The following ANP32B variants were observed in gnomAD, a reference collection of about 807,000 sequenced individuals.
ANP32B encodes acidic nuclear phosphoprotein 32 family member B.
In ANP32B, 6 loss-of-function variants were observed where a neutral mutation model predicts 32.2. That is an observed-to-expected ratio of 0.19 (90% confidence interval 0.10 to 0.37). ANP32B has a LOEUF of 0.37. Ranked by LOEUF, ANP32B falls within the 10% of genes least tolerant of loss-of-function variation. The pLI, the probability that ANP32B is intolerant of heterozygous loss-of-function variation, is 1.00. For missense variants in ANP32B, 204 were observed against 289.2 expected (o/e 0.71, Z 2.14); for synonymous variants, 98 against 105.8 (o/e 0.93, Z 0.45).
At chr9:98,007,841 T>TC (rs1345878062) in intron 4 of ANP32B, among the ~76,000 whole-genome samples, 19 of 152,160 alleles carry the variant, frequency 1.2e-4, no homozygotes, top group Admixed American at 6.5e-5. Context: ...TTCACGCAGT[T>TC]CTGTGAGATG....
intron 3 of ANP32B, among the ~76,000 whole-genome samples, chr9:98,001,608 C>A (rs7850685): frequency 1.6e-3 from 236 of 152,032 alleles, no homozygotes; most frequent in Non-Finnish European, 2.8e-3. Context: ...TTATCAGAAG[C>A]CTTTTTCAGT....
intron 1 of ANP32B, among the ~76,000 whole-genome samples, chr9:97,986,396 C>G (rs944146279): frequency 2.6e-5 from 4 of 152,030 alleles, no homozygotes; most frequent in Non-Finnish European, 4.4e-5. Flanking sequence ...GTTGTGGGAG[C>G]CAGCTAAGAT....
At chr9:98,001,347 A>G (rs957034694) in intron 3 of ANP32B, among the ~76,000 whole-genome samples, 3 of 151,896 alleles carry the variant, frequency 2.0e-5, no homozygotes, top group Non-Finnish European at 2.9e-5. Flanking sequence ...ACCTGCCACC[A>G]TGCCTGGCTA....
intron 6 of ANP32B, among the ~76,000 whole-genome samples, chr9:98,014,251 C>CA (rs776855401): frequency 1.3e-5 from 2 of 151,604 alleles, no homozygotes; most frequent in Non-Finnish European, 2.9e-5. Flanking sequence ...ACTAAAAATA[C>CA]AAAAAAATTA....
At chr9:98,004,268 T>C (rs1828041128) in intron 3 of ANP32B, among the ~76,000 whole-genome samples, 1 of 152,136 alleles carries the variant, frequency 6.6e-6, no homozygotes, top group Non-Finnish European at 1.5e-5. Flanking sequence ...GTATGGTAAA[T>C]AAAATCAGAA....
intron 1 of ANP32B, among the ~76,000 whole-genome samples, chr9:97,991,302 A>G (rs922205207): frequency 4.0e-5 from 6 of 151,850 alleles, no homozygotes; most frequent in Non-Finnish European, 7.4e-5. Flanking sequence ...TTTTGTAGAG[A>G]CAGGGTCTCC....
At chr9:97,988,926 ATCT>A (rs1231614063) in intron 1 of ANP32B, among the ~76,000 whole-genome samples, 1 of 152,206 alleles carries the variant, frequency 6.6e-6, no homozygotes, top group Non-Finnish European at 1.5e-5. Context: ...ACTCAGAAAG[ATCT>A]TTAATTCCTC....
At chr9:98,014,483 G>A (rs1013918325) in intron 6 of ANP32B, among the ~76,000 whole-genome samples, 17 of 152,042 alleles carry the variant, frequency 1.1e-4, no homozygotes, top group African/African-American at 3.1e-4. Context: ...GATTTTATTA[G>A]TTGAAAAAAT....
chr9:98,008,003 G>C (rs185007830), intron 4 of ANP32B, among the ~76,000 whole-genome samples: 73 of 152,290 alleles, frequency 4.8e-4, no homozygotes, highest in Admixed American at 1.2e-3. Context: ...CACAGAATGA[G>C]TGGTAAAACT....
intron 6 of ANP32B, among the ~76,000 whole-genome samples, chr9:98,013,439 A>G (rs1828221810): frequency 6.6e-6 from 1 of 152,152 alleles, no homozygotes; most frequent in South Asian, 2.1e-4. Flanking sequence ...TAATAATTGA[A>G]CCATCATTTT....
chr9:97,999,350 T>C (rs979358382), intron 3 of ANP32B, among the ~76,000 whole-genome samples: 1 of 152,236 alleles, frequency 6.6e-6, no homozygotes, highest in Admixed American at 6.5e-5. Context: ...TATGTACTTT[T>C]ACACTTTAAC....
chr9:98,009,594 G>A (rs1163859879), intron 4 of ANP32B, among the ~76,000 whole-genome samples: 1 of 152,244 alleles, frequency 6.6e-6, no homozygotes, highest in African/African-American at 2.4e-5. Context: ...ACTCCTATGA[G>A]GATCTAACAG....
chr9:98,011,450 C>T, intron 5 of ANP32B, 61 bp downstream of exon 5: 1 of 1,530,286 alleles, frequency 6.5e-7, no homozygotes, highest in Non-Finnish European at 8.8e-7. Context: ...GTGGGGGTTT[C>T]AAAAAGATGA....
chr9:97,998,421 C>T, intron 2 of ANP32B, 135 bp from the exon 3 acceptor site: 1 of 885,292 alleles, frequency 1.1e-6, no homozygotes, highest in Non-Finnish European at 1.6e-6. Context: ...AATGAACATG[C>T]ATGCCCTAAT....
intron 5 of ANP32B, 72 bp from the exon 6 acceptor site, chr9:98,012,349 C>T (rs1484985767): frequency 6.5e-7 from 1 of 1,537,006 alleles, no homozygotes; most frequent in African/African-American, 1.4e-5. Flanking sequence ...CTTAGTTTGG[C>T]AGAATTTGTA....
chr9:97,989,481 T>C (rs956615322), intron 1 of ANP32B, among the ~76,000 whole-genome samples: 3 of 152,116 alleles, frequency 2.0e-5, no homozygotes, highest in Non-Finnish European at 4.4e-5. Context: ...AAACTGTCCA[T>C]CTTCAAGCAG....
chr9:97,990,065 A>G (rs1394700845), intron 1 of ANP32B, among the ~76,000 whole-genome samples: 1 of 152,204 alleles, frequency 6.6e-6, no homozygotes, highest in African/African-American at 2.4e-5. Flanking sequence ...ACCTATGTAG[A>G]CAGACATTGT....
In ANP32B at chr9:97,990,015, G is replaced by GGGGTA. The variant is rs1827797230; in HGVS notation, c.55-4614_55-4610dup. Among the ~76,000 whole-genome samples the GGGGTA allele has an allele frequency of 2.6e-5, 4 of 152,298 alleles. No homozygotes were observed. The South Asian group carries it at 8.3e-4, about 32-fold the overall frequency. Reference sequence around the variant, plus strand: ...GAGTAAACCTCTGGTAGGGGTTGGAGGGGTAGTCTTTTGGCCCTAAGAAAA... The same window carrying GGGGTA: ...GAGTAAACCTCTGGTAGGGGTTGGAGGGGTAGGGTAGTCTTTTGGCCCTAAGAAAA... On this transcript the variant is annotated intron_variant, in intron 1 of 6. Coordinates refer to ENST00000339399, the MANE Select transcript of ANP32B (RefSeq NM_006401.3).
At chr9:98,014,904 C>T (rs1358428312) in intron 6 of ANP32B, among the ~76,000 whole-genome samples, 1 of 152,152 alleles carries the variant, frequency 6.6e-6, no homozygotes, top group Non-Finnish European at 1.5e-5. Context: ...AGGTACATGC[C>T]ACCATGCCTG....
Sources: allele counts gnomAD v4.1 joint callset (sites outside exome capture counted in the v4.1 genomes callset), GRCh38; gene constraint gnomAD v4.1.1; transcripts MANE v1.5; gene names NCBI Gene and HGNC (gene_info 2026-07-23, HGNC 2026-07-21).